PRUNE2: variants seen among roughly 807,000 people sequenced by gnomAD.
PRUNE2 encodes protein prune homolog 2.
In PRUNE2, 164 loss-of-function variants were observed where a neutral mutation model predicts 252.0. The ratio of observed to expected loss-of-function variants is 0.65; its 90% CI spans 0.57 to 0.74. The LOEUF (loss-of-function observed/expected upper bound fraction) is 0.74. Among genes scored for constraint, PRUNE2 ranks in the 30% least tolerant of loss-of-function variants. PRUNE2 has a pLI of 0.00. For missense variants in PRUNE2, 3,495 were observed against 3,711.0 expected, an observed-to-expected ratio of 0.94 and a Z score of 1.51; for synonymous variants, 1,292 against 1,350.2, an observed-to-expected ratio of 0.96 and a Z score of 0.94.
intron 11 of PRUNE2, among the ~76,000 whole-genome samples, chr9:76,648,677 G>A (rs890225348): frequency 5.3e-5 from 8 of 152,156 alleles, no homozygotes; most frequent in Non-Finnish European, 7.3e-5. Flanking sequence ...CATAGGCAGA[G>A]CACAGAGAAT....
intron 1 of PRUNE2, among the ~76,000 whole-genome samples, chr9:76,897,507 T>C (rs1019627649): frequency 7.0e-6 from 1 of 142,946 alleles, no homozygotes; most frequent in African/African-American, 2.6e-5. Flanking sequence ...TCCACCTCCC[T>C]GGTTCAAGCA....
At chr9:76,800,304 G>C (rs2056463191) in intron 6 of PRUNE2, among the ~76,000 whole-genome samples, 2 of 151,410 alleles carry the variant, frequency 1.3e-5, no homozygotes, top group African/African-American at 4.9e-5. Context: ...TGCGGTGTTT[G>C]GTTTTTTGTC....
chr9:76,654,964 G>A (rs998764150), intron 10 of PRUNE2, among the ~76,000 whole-genome samples: 2 of 152,110 alleles, frequency 1.3e-5, no homozygotes, highest in South Asian at 2.1e-4. Context: ...TCCTTTTTGT[G>A]TATGCCTTGG....
At chr9:76,625,001 A>G in intron 16 of PRUNE2, 1 of 1,297,628 alleles carries the variant, frequency 7.7e-7, no homozygotes, top group Non-Finnish European at 1.0e-6. Context: ...TCCAGCATGA[A>G]TAGGAGATCA....
rs1844191685 is a variant in PRUNE2 at position 76,644,958 on chromosome 9, A to G, written c.8558-49T>C. ...AAGGCTGAAGGAGCAAGACCTCCACAGTGCAGCTAAACAGCCAAATGGTAA... is the reference window on the plus strand; with the variant it reads ...AAGGCTGAAGGAGCAAGACCTCCACGGTGCAGCTAAACAGCCAAATGGTAA... On this transcript the variant is annotated intron_variant, in intron 11 of 18. Coordinates refer to ENST00000376718, the MANE Select transcript of PRUNE2 (RefSeq NM_015225.3). 4.5e-6 allele frequency: 7 copies of G among 1,553,364 alleles called. No homozygotes were observed. In the East Asian group the frequency reaches 6.8e-5, roughly 15 times the overall value.
rs530923254 is a variant in PRUNE2, at chr9:76,874,752, C to T, written c.37-20544G>A. ...CTCAAGCATCGCCTCAGAACCAGAG[C>T]ATGAGAGAAAAATAAAGGAAGAAAT... On this transcript the variant is annotated intron_variant, in intron 1 of 18. Coordinates refer to ENST00000376718, the MANE Select transcript of PRUNE2 (RefSeq NM_015225.3). Among the ~76,000 whole-genome samples, 7 of 152,012 alleles carry T rather than the reference C, an allele frequency of 4.6e-5. No individual in the cohort carries two copies. In the East Asian group the frequency reaches 1.4e-3, roughly 29 times the overall value.
chr9:76,770,312 A>G (rs996473071), intron 6 of PRUNE2, among the ~76,000 whole-genome samples: 1 of 152,184 alleles, frequency 6.6e-6, no homozygotes, highest in Non-Finnish European at 1.5e-5. Flanking sequence ...CTGGACTTTG[A>G]ACCAAATACT....
rs41310045 is a variant in PRUNE2, at chr9:76,644,775, C to T, written c.8692G>A (p.Val2898Ile). ...ATGACTCTCCTGTAGGGCTCGATGA[C>T]CTTCATGTCAATGCGCTGCTCTTGT... ...GEQEQRIDMK[V>I]IEPYRRVISH... The change falls in exon 12 of 19, where the codon GTC becomes ATC. Residue 2898 changes from valine to isoleucine, a missense_variant. Val to Ile is a conservative substitution (Grantham distance 29, BLOSUM62 3). Transcript: ENST00000376718. The T allele has an allele frequency of 1.2e-6, 2 of 1,613,906 alleles. No homozygotes were observed. The highest frequency in any genetic ancestry group is 1.7e-6 in the Non-Finnish European group (2 of 1,179,844).
chr9:76,696,365 C>T (rs995914976), intron 9 of PRUNE2, among the ~76,000 whole-genome samples: 2 of 152,154 alleles, frequency 1.3e-5, no homozygotes, highest in Non-Finnish European at 2.9e-5. Context: ...CTGTTTGCTT[C>T]GTCAGCTCTA....
At chr9:76,775,464 T>C (rs2053632271) in intron 6 of PRUNE2, among the ~76,000 whole-genome samples, 1 of 135,496 alleles carries the variant, frequency 7.4e-6, no homozygotes, top group Non-Finnish European at 1.6e-5. Flanking sequence ...GCCCAGCTAA[T>C]TTTTGTGGTT....
chr9:76,766,975 G>A lies in PRUNE2; in HGVS notation c.757-53254C>T, dbSNP rs552412398. Among the ~76,000 whole-genome samples the A allele has an allele frequency of 5.0e-4, 76 of 151,960 alleles. 1 individual carries two copies. Among genetic ancestry groups the A allele is most frequent in the South Asian group, 3.3e-3 (16 of 4,798 alleles). ...GTTTATCATCTACCTCTCCCACCTC[G>A]CCACACCTTCCCCCCAAGGCGAAGG... On this transcript the variant is annotated intron_variant, in intron 6 of 18. Transcript: ENST00000376718.
chr9:76,655,600 C>T lies in PRUNE2; in HGVS notation c.8277-98G>A, dbSNP rs1207946349. The T allele has an allele frequency of 1.7e-5, 15 of 888,752 alleles. No individual in the cohort carries two copies. The Admixed American group carries it at 2.4e-4, about 14-fold the overall frequency. The allele number at this position is 888,752 out of a possible 1,614,324, so 55.1% of individuals were successfully genotyped here. A position where few individuals can be genotyped will look rare whatever the true frequency, so the allele number is the denominator to read the frequency against. On this transcript the variant is annotated intron_variant, in intron 9 of 18. Coordinates refer to ENST00000376718, the MANE Select transcript of PRUNE2 (RefSeq NM_015225.3). ...ACAGAGTCCAGGATAACATTTTCAACTCACTTAAAATAAACCATGTATGGG... is the reference window on the plus strand; with the variant it reads ...ACAGAGTCCAGGATAACATTTTCAATTCACTTAAAATAAACCATGTATGGG...
At chr9:76,821,241 G>A (rs918550559) in intron 6 of PRUNE2, among the ~76,000 whole-genome samples, 1 of 152,128 alleles carries the variant, frequency 6.6e-6, no homozygotes, top group Admixed American at 6.5e-5. Context: ...AAAGTCATAG[G>A]AACTAAGAAG....
At chr9:76,690,574 T>C (rs946798252) in intron 9 of PRUNE2, among the ~76,000 whole-genome samples, 27 of 152,160 alleles carry the variant, frequency 1.8e-4, no homozygotes, top group East Asian at 1.9e-4. Context: ...CCACTCAAGA[T>C]TGAGAAACCA....
intron 1 of PRUNE2, among the ~76,000 whole-genome samples, chr9:76,905,139 A>G (rs1225528157): frequency 6.6e-6 from 1 of 151,958 alleles, no homozygotes; most frequent in Non-Finnish European, 1.5e-5. Flanking sequence ...TATGTTTATT[A>G]CTGCTGTGCT....
At chr9:76,736,158 G>GTA (rs2049057321) in intron 6 of PRUNE2, among the ~76,000 whole-genome samples, 1 of 151,536 alleles carries the variant, frequency 6.6e-6, no homozygotes, top group African/African-American at 2.4e-5. Flanking sequence ...GTGTGTGTGT[G>GTA]TGTATTCAAA....
At chr9:76,837,441 A>AAATATTATTATAATAAT (rs147526426) in intron 4 of PRUNE2, among the ~76,000 whole-genome samples, 3 of 134,826 alleles carry the variant, frequency 2.2e-5, no homozygotes, top group Non-Finnish European at 4.7e-5. Context: ...ACTCTGTCTC[A>AAATATTATTATAATAAT]AATAATAATA....
In PRUNE2 at chr9:76,661,604, A is replaced by C. The variant is rs180954852; in HGVS notation, c.8277-6102T>G. ...AGAAAAGGCATTATTAAGGCTAAAG[A>C]AAGTTATTATTTAGTGATACAAGGA... On this transcript the variant is annotated intron_variant, in intron 9 of 18. Transcript: ENST00000376718. Among the ~76,000 whole-genome samples, 142 of 152,336 alleles carry C rather than the reference A, an allele frequency of 9.3e-4. 1 individual carries two copies. The highest frequency in any genetic ancestry group is 3.4e-3 in the Middle Eastern group (1 of 294).
At chr9:76,802,399 A>C (rs989317536) in intron 6 of PRUNE2, among the ~76,000 whole-genome samples, 1 of 152,188 alleles carries the variant, frequency 6.6e-6, no homozygotes, top group African/African-American at 2.4e-5. Context: ...CCTTAGACAT[A>C]AGGTAGTCTG....
Sources: allele counts gnomAD v4.1 joint callset (sites outside exome capture counted in the v4.1 genomes callset), GRCh38; gene constraint gnomAD v4.1.1; transcripts MANE v1.5; gene names NCBI Gene and HGNC (gene_info 2026-07-23, HGNC 2026-07-21).